BNC1: variants seen among roughly 807,000 people sequenced by gnomAD.
BNC1 encodes basonuclin zinc finger protein 1.
Under a neutral mutation model 66.5 loss-of-function variants are expected in BNC1, and 8 were observed. The ratio of observed to expected loss-of-function variants is 0.12; its 90% CI spans 0.07 to 0.22. BNC1 has a LOEUF of 0.22. Ranked by LOEUF, BNC1 falls within the 10% of genes least tolerant of loss-of-function variation. BNC1 has a pLI of 1.00. For missense variants in BNC1, 1,069 were observed against 1,241.3 expected, an observed-to-expected ratio of 0.86 and a Z score of 2.09; for synonymous variants, 454 against 452.6, an observed-to-expected ratio of 1.00 and a Z score of -0.04.
At chr15:83,269,428 C>CGTGTGT (rs59308826) in intron 1 of BNC1, among the ~76,000 whole-genome samples, 3 of 150,256 alleles carry the variant, frequency 2.0e-5, no homozygotes, top group African/African-American at 4.9e-5. Context: ...CTGGGAAGTG[C>CGTGTGT]GTGTGTGTGT....
intron 1 of BNC1, among the ~76,000 whole-genome samples, chr15:83,270,217 CAA>C (rs2038256787): frequency 6.6e-6 from 1 of 152,154 alleles, no homozygotes; most frequent in African/African-American, 2.4e-5. Flanking sequence ...TTAAGGTGTA[CAA>C]TTCAATGATT....
At chr15:83,258,367 A>G (rs761596100) in intron 4 of BNC1, among the ~76,000 whole-genome samples, 7 of 152,204 alleles carry the variant, frequency 4.6e-5, no homozygotes, top group Non-Finnish European at 8.8e-5. Flanking sequence ...GAGAATATGT[A>G]GTCTTCTTTG....
chr15:83,278,532 A>G (rs2038348483), intron 1 of BNC1, among the ~76,000 whole-genome samples: 1 of 152,238 alleles, frequency 6.6e-6, no homozygotes. Flanking sequence ...AGAAAATGCT[A>G]GGAAACCAAC....
intron 1 of BNC1, among the ~76,000 whole-genome samples, chr15:83,272,394 C>CTTTTTTTTTTTTTTTTTTTTT (rs750429207): frequency 1.3e-4 from 16 of 122,696 alleles, no homozygotes; most frequent in African/African-American, 4.8e-4. Flanking sequence ...CCACACCTGG[C>CTTTTTTTTTTTTTTTTTTTTT]TTTTTTTTTT....
At chr15:83,278,899 C>T (rs2038352321) in intron 1 of BNC1, among the ~76,000 whole-genome samples, 1 of 152,162 alleles carries the variant, frequency 6.6e-6, no homozygotes, top group Non-Finnish European at 1.5e-5. Flanking sequence ...GACCAGGGAG[C>T]ACTCTACAGG....
At chr15:83,272,394 C>CTTTTTTTTTTTTT (rs750429207) in intron 1 of BNC1, among the ~76,000 whole-genome samples, 29 of 122,698 alleles carry the variant, frequency 2.4e-4, no homozygotes, top group African/African-American at 5.5e-4. Context: ...CCACACCTGG[C>CTTTTTTTTTTTTT]TTTTTTTTTT....
At chr15:83,261,056 T>G (rs754431357) in intron 4 of BNC1, among the ~76,000 whole-genome samples, 7 of 152,120 alleles carry the variant, frequency 4.6e-5, no homozygotes, top group Non-Finnish European at 1.0e-4. Flanking sequence ...AAATATCAAA[T>G]GAAAAAGTAT....
chr15:83,282,632 A>G (rs1409079498), intron 1 of BNC1, among the ~76,000 whole-genome samples: 1 of 152,270 alleles, frequency 6.6e-6, no homozygotes, highest in Non-Finnish European at 1.5e-5. Context: ...TCAATACATT[A>G]ACACGTATTT....
At chr15:83,261,048 A>AT (rs1444081648) in intron 4 of BNC1, among the ~76,000 whole-genome samples, 2 of 152,252 alleles carry the variant, frequency 1.3e-5, no homozygotes, top group African/African-American at 4.8e-5. Context: ...GAAAAAATAA[A>AT]TATCAAATGA....
At chr15:83,275,584 T>C (rs1444366705) in intron 1 of BNC1, among the ~76,000 whole-genome samples, 1 of 151,880 alleles carries the variant, frequency 6.6e-6, no homozygotes, top group East Asian at 1.9e-4. Flanking sequence ...ATGTTTTAGA[T>C]TGAGTCATCA....
chr15:83,268,711 A>G (rs2038241385), intron 1 of BNC1, among the ~76,000 whole-genome samples: 1 of 152,188 alleles, frequency 6.6e-6, no homozygotes, highest in South Asian at 2.1e-4. Context: ...AAATACAAAT[A>G]AGATTTGAGA....
rs771216854 is a variant in BNC1, at chr15:83,257,450, G to C, written c.2977C>G (p.Leu993Val). Residue 993 changes from leucine to valine, a missense_variant, in exon 5 of 5, where the codon CTC (leucine) becomes GTC (valine). Physicochemically the swap from Leu to Val is conservative, Grantham distance 32 (BLOSUM62 1). Transcript: ENST00000345382. ...CTTGGTTTGCCATCTTGTTACTGGA[G>C]GTGACTTGGAGATGAGGCCAGGCTT... Reference protein sequence around the residue: ...HKSLASSPSHLQ With the variant: ...HKSLASSPSHVQ 3.7e-6 allele frequency: 6 copies of C among 1,611,338 alleles called. No homozygotes were observed. In the African/African-American group the frequency reaches 8.0e-5, roughly 22 times the overall value.
In BNC1 at chr15:83,268,244, G is replaced by A; in HGVS notation, c.100-12C>T. On this transcript the variant is annotated splice_polypyrimidine_tract_variant and intron_variant, in intron 1 of 4. Coordinates refer to ENST00000345382, the MANE Select transcript of BNC1 (RefSeq NM_001717.4). ...GTACAGCTGATAGCCTGAAAAAGAG[G>A]AGAAAACAGGTATGTGGAGCATGTA... 6.2e-7 allele frequency: 1 copy of A among 1,600,394 alleles called. No individual in the cohort carries two copies.
At position 83,264,356 on chromosome 15, in the gene BNC1, C is replaced by T. The variant is rs759327926; in HGVS notation, c.895G>A (p.Val299Ile). Reference protein sequence around the residue: ...FLTSSSTPFQVEKDQCLNCPD... With the variant: ...FLTSSSTPFQIEKDQCLNCPD... ...CAGTTTAAACACTGATCTTTTTCAA[C>T]CTGAAATGGTGTGGAACTGGAAGTT... The change falls in exon 4 of 5, where the codon GTT (valine) becomes ATT (isoleucine). Residue 299 changes from valine to isoleucine, a missense_variant. Physicochemically the swap from Val to Ile is conservative, Grantham distance 29 (BLOSUM62 3). Coordinates refer to ENST00000345382, the MANE Select transcript of BNC1 (RefSeq NM_001717.4). 9.9e-6 allele frequency: 16 copies of T among 1,613,996 alleles called. No individual in the cohort carries two copies. The highest frequency in any genetic ancestry group is 1.6e-4 in the Middle Eastern group (1 of 6,084).
intron 1 of BNC1, among the ~76,000 whole-genome samples, chr15:83,281,514 A>G (rs2038378719): frequency 6.6e-6 from 1 of 152,238 alleles, no homozygotes; most frequent in Non-Finnish European, 1.5e-5. Flanking sequence ...AGTTTCTGAC[A>G]AAAGTAACCC....
chr15:83,273,290 G>A lies in BNC1; in HGVS notation c.100-5058C>T, dbSNP rs192472443. Among the ~76,000 whole-genome samples the A allele has an allele frequency of 1.4e-3, 217 of 152,072 alleles. 1 individual carries two copies. The highest frequency in any genetic ancestry group is 5.0e-3 in the African/African-American group (207 of 41,474). Reference sequence around the variant, plus strand: ...TTTTCCACCCATCTTAGAACTCCACGACATAGTAAAATTACAGCACCATTA... The same window carrying A: ...TTTTCCACCCATCTTAGAACTCCACAACATAGTAAAATTACAGCACCATTA... On this transcript the variant is annotated intron_variant, in intron 1 of 4. Transcript: ENST00000345382.
chr15:83,269,406 A>G (rs555830936), intron 1 of BNC1, among the ~76,000 whole-genome samples: 11 of 152,050 alleles, frequency 7.2e-5, no homozygotes, highest in African/African-American at 2.7e-4. Context: ...ATGATTCACA[A>G]GAGTCTTGAA....
intron 2 of BNC1, among the ~76,000 whole-genome samples, chr15:83,267,506 C>T (rs745978694): frequency 5.9e-5 from 9 of 152,068 alleles, no homozygotes; most frequent in African/African-American, 9.7e-5. Flanking sequence ...AATTAACCCC[C>T]CTAAGGCCAC....
intron 1 of BNC1, among the ~76,000 whole-genome samples, chr15:83,281,272 G>T (rs1294086268): frequency 1.3e-5 from 2 of 152,178 alleles, no homozygotes; most frequent in Non-Finnish European, 2.9e-5. Flanking sequence ...AAAGGAAAAA[G>T]AAATGCTTTC....
Sources: allele counts gnomAD v4.1 joint callset (sites outside exome capture counted in the v4.1 genomes callset), GRCh38; gene constraint gnomAD v4.1.1; transcripts MANE v1.5; gene names NCBI Gene and HGNC (gene_info 2026-07-23, HGNC 2026-07-21).